Variants in ZFPM2 observed in about 807,000 individuals in gnomAD.
ZFPM2 encodes the protein zinc finger protein ZFPM2.
A neutral mutation model predicts 98.6 loss-of-function variants in ZFPM2; 20 were observed. The observed-to-expected ratio is 0.20, with a 90% confidence interval of 0.14 to 0.29. ZFPM2 has a LOEUF of 0.29. ZFPM2 is among the 10% of genes least tolerant of loss of function. The pLI, the probability that ZFPM2 is intolerant of heterozygous loss-of-function variation, is 1.00. For synonymous variants in ZFPM2, 518 were observed against 502.7 expected (o/e 1.03, Z -0.41); for missense variants, 1,310 against 1,388.6 (o/e 0.94, Z 0.90).
chr8:105,710,699 G>A (rs866399971), intron 5 of ZFPM2, among the ~76,000 whole-genome samples: 2 of 141,432 alleles, frequency 1.4e-5, no homozygotes, highest in East Asian at 4.2e-4. Flanking sequence ...GTGTGTGTGT[G>A]TGTATGTGTG....
intron 6 of ZFPM2, chr8:105,795,922 A>AAAAAT (rs1432040461): frequency 6.9e-6 from 2 of 289,228 alleles, no homozygotes; most frequent in African/African-American, 2.3e-5. Context: ...GCATCTAATC[A>AAAAAT]AAAATATACT....
intron 4 of ZFPM2, among the ~76,000 whole-genome samples, chr8:105,594,412 A>G (rs1168864355): frequency 6.6e-6 from 1 of 152,160 alleles, no homozygotes; most frequent in Non-Finnish European, 1.5e-5. Flanking sequence ...GATTTTTTAA[A>G]TTTTAAGGAT....
chr8:105,469,463 C>T (rs921282720), intron 3 of ZFPM2, among the ~76,000 whole-genome samples: 2 of 152,144 alleles, frequency 1.3e-5, no homozygotes, highest in African/African-American at 4.8e-5. Flanking sequence ...AGTTTCTTCT[C>T]TACCTGCCCA....
chr8:105,626,736 T>G (rs1034121514), intron 4 of ZFPM2, among the ~76,000 whole-genome samples: 1 of 152,188 alleles, frequency 6.6e-6, no homozygotes, highest in Non-Finnish European at 1.5e-5. Context: ...AGCTATGAAT[T>G]TTTAAAAGAG....
intron 1 of ZFPM2, among the ~76,000 whole-genome samples, chr8:105,361,986 A>G (rs1409782719): frequency 1.3e-5 from 2 of 152,124 alleles, no homozygotes; most frequent in Non-Finnish European, 2.9e-5. Context: ...CTATGATGTT[A>G]CATAACAATG....
At chr8:105,702,026 C>T (rs1048744502) in intron 5 of ZFPM2, among the ~76,000 whole-genome samples, 7 of 152,124 alleles carry the variant, frequency 4.6e-5, no homozygotes, top group African/African-American at 7.2e-5. Flanking sequence ...TGACATTTCA[C>T]AAATAAATTC....
intron 3 of ZFPM2, among the ~76,000 whole-genome samples, chr8:105,476,505 C>T (rs1400695525): frequency 2.6e-5 from 4 of 152,030 alleles, no homozygotes. Flanking sequence ...GAAACCAGCA[C>T]GAAATTTGCC....
At chr8:105,521,878 A>C (rs539429395) in intron 3 of ZFPM2, among the ~76,000 whole-genome samples, 1 of 152,094 alleles carries the variant, frequency 6.6e-6, no homozygotes, top group Non-Finnish European at 1.5e-5. Flanking sequence ...TGCCCAGCCA[A>C]ATCTTTCAAA....
At chr8:105,617,441 A>G (rs2130809883) in intron 4 of ZFPM2, among the ~76,000 whole-genome samples, 1 of 152,256 alleles carries the variant, frequency 6.6e-6, no homozygotes, top group East Asian at 1.9e-4. Context: ...AGCTTGAAGT[A>G]TGTGTTTTAA....
intron 1 of ZFPM2, among the ~76,000 whole-genome samples, chr8:105,333,239 T>C (rs1812265632): frequency 6.6e-6 from 1 of 151,774 alleles, no homozygotes; most frequent in Non-Finnish European, 1.5e-5. Flanking sequence ...AACTTTTAGA[T>C]ACGGATTTAA....
chr8:105,495,439 A>G (rs28637400), intron 3 of ZFPM2, among the ~76,000 whole-genome samples: 2,983 of 152,316 alleles, frequency 0.02, 95 homozygotes, highest in African/African-American at 0.068. Context: ...GAATGAATAC[A>G]TTGGAATGTA....
chr8:105,328,856 T>G (rs1406966402), intron 1 of ZFPM2, among the ~76,000 whole-genome samples: 1 of 151,820 alleles, frequency 6.6e-6, no homozygotes, highest in Non-Finnish European at 1.5e-5. Context: ...ATAAGTACTC[T>G]TGCGTTTTTT....
At chr8:105,469,581 G>A (rs1197572009) in intron 3 of ZFPM2, among the ~76,000 whole-genome samples, 6 of 152,140 alleles carry the variant, frequency 3.9e-5, no homozygotes, top group East Asian at 1.9e-4. Flanking sequence ...TACTGGTTTC[G>A]TCACCTTCTA....
At chr8:105,799,033 ATCTG>A in intron 7 of ZFPM2, 85 bp downstream of exon 7, 1 of 1,196,668 alleles carries the variant, frequency 8.4e-7, no homozygotes. Flanking sequence ...ATACGTCTAT[ATCTG>A]TCTATCTGTA....
Position 105,370,821 on chromosome 8 carries a change from G to A in ZFPM2, c.41-48323G>A, listed in dbSNP as rs374833721. Among the ~76,000 whole-genome samples, 37 of 152,308 alleles carry A rather than the reference G, an allele frequency of 2.4e-4. No homozygotes were observed. The East Asian group carries it at 4.4e-3, about 18-fold the overall frequency. ...GAAAGGTGAAGTAATTTGCTCAAAG[G>A]AATCTAGCTGGTAATGTACAGATCT... On this transcript the variant is annotated intron_variant, in intron 1 of 7. Transcript: ENST00000407775.
chr8:105,583,694 A>G (rs1815651499), intron 4 of ZFPM2, among the ~76,000 whole-genome samples: 1 of 152,242 alleles, frequency 6.6e-6, no homozygotes, highest in Non-Finnish European at 1.5e-5. Flanking sequence ...ATGGAAGATT[A>G]GCACACTTCT....
At chr8:105,763,610 T>A (rs1343722930) in intron 5 of ZFPM2, among the ~76,000 whole-genome samples, 1 of 151,882 alleles carries the variant, frequency 6.6e-6, no homozygotes, top group Non-Finnish European at 1.5e-5. Flanking sequence ...ACAACAATCA[T>A]CTTCCAATAC....
chr8:105,733,977 AAAG>A (rs1250766701), intron 5 of ZFPM2, among the ~76,000 whole-genome samples: 8 of 151,912 alleles, frequency 5.3e-5, no homozygotes, highest in Non-Finnish European at 1.0e-4. Flanking sequence ...TGGAAGAGGG[AAAG>A]AAGATCATTC....
chr8:105,360,147 T>G (rs1428411845), intron 1 of ZFPM2, among the ~76,000 whole-genome samples: 1 of 152,220 alleles, frequency 6.6e-6, no homozygotes, highest in African/African-American at 2.4e-5. Context: ...AACAATTTCA[T>G]CAGGCTGTTT....
Sources: allele counts gnomAD v4.1 joint callset (sites outside exome capture counted in the v4.1 genomes callset), GRCh38; gene constraint gnomAD v4.1.1; transcripts MANE v1.5; gene names NCBI Gene and HGNC (gene_info 2026-07-23, HGNC 2026-07-21).